MEOX2: variants seen among roughly 807,000 people sequenced by gnomAD.
MEOX2 encodes homeobox protein MOX-2.
MEOX2 carries 11 observed loss-of-function variants against 27.0 expected under a neutral mutation model. The observed-to-expected ratio is 0.41, with a 90% CI of 0.26 to 0.68. The LOEUF (loss-of-function observed/expected upper bound fraction) is 0.68, where lower values mean the gene tolerates loss of function less well. Ranked by LOEUF, MEOX2 falls within the 30% of genes least tolerant of loss-of-function variation. MEOX2 has a pLI of 0.33. For synonymous variants in MEOX2, 189 were observed against 155.4 expected, an observed-to-expected ratio of 1.22 and a Z score of -1.61; for missense variants, 436 against 385.4, an observed-to-expected ratio of 1.13 and a Z score of -1.10.
chr7:15,637,670 G>T (rs1359738253), intron 1 of MEOX2, among the ~76,000 whole-genome samples: 1 of 151,996 alleles, frequency 6.6e-6, no homozygotes, highest in Non-Finnish European at 1.5e-5. Context: ...TATAATTATA[G>T]CTCTATAACT....
At position 15,612,448 on chromosome 7, in the gene MEOX2, T is replaced by C; in HGVS notation, c.854A>G (p.Asp285Gly). The change falls in exon 3 of 3, where the codon GAC becomes GGC. Residue 285 changes from aspartate to glycine, a missense_variant. Asp to Gly is a moderately conservative substitution (Grantham distance 94). Transcript: ENST00000262041. ...IGAATLQQTG[D>G]SIANEDSHDS... ...GTGACTGTCTTCATTTGCTATAGAGTCCCCTGTTTGCTGGAGGGTGGCTGC... is the reference window on the plus strand; with the variant it reads ...GTGACTGTCTTCATTTGCTATAGAGCCCCCTGTTTGCTGGAGGGTGGCTGC... 6.2e-7 allele frequency: 1 copy of C among 1,614,028 alleles called. No individual in the cohort carries two copies. The highest frequency in any genetic ancestry group is 1.7e-5 in the Admixed American group (1 of 59,998).
At chr7:15,663,948 CAGAT>C (rs1489908013) in intron 1 of MEOX2, among the ~76,000 whole-genome samples, 6 of 152,088 alleles carry the variant, frequency 3.9e-5, no homozygotes, top group South Asian at 2.1e-4. Flanking sequence ...GATAGACAGA[CAGAT>C]AGATGATAGA....
intron 1 of MEOX2, among the ~76,000 whole-genome samples, chr7:15,674,045 T>C (rs981010120): frequency 1.3e-5 from 2 of 152,094 alleles, no homozygotes; most frequent in Non-Finnish European, 2.9e-5. Context: ...CATACATATC[T>C]ATAGATAGAT....
At chr7:15,618,571 T>C (rs768199561) in intron 2 of MEOX2, among the ~76,000 whole-genome samples, 27 of 152,014 alleles carry the variant, frequency 1.8e-4, no homozygotes, top group Non-Finnish European at 8.8e-5. Flanking sequence ...CTTCTAAGTA[T>C]AACTTATCGA....
rs141521135 is a variant in MEOX2, at chr7:15,618,510, C to T, written c.691-5899G>A. 1.3e-4 allele frequency among the ~76,000 whole-genome samples: 20 copies of T among 152,028 alleles called. No individual in the cohort carries two copies. The East Asian group carries it at 3.5e-3, about 27-fold the overall frequency. The stretch of plus-strand genomic sequence containing the variant: ...CAACATCTTGCCCAATCTCTTGGCT[C>T]ATGTTTAACAATAATTGGCAACATA... On this transcript the variant is annotated intron_variant, in intron 2 of 2. Coordinates refer to ENST00000262041, the MANE Select transcript of MEOX2 (RefSeq NM_005924.5).
chr7:15,640,230 T>C (rs1423471695), intron 1 of MEOX2, among the ~76,000 whole-genome samples: 1 of 151,060 alleles, frequency 6.6e-6, no homozygotes, highest in African/African-American at 2.4e-5. Flanking sequence ...TTGTTGTTGC[T>C]GTTTGGGGGT....
intron 1 of MEOX2, among the ~76,000 whole-genome samples, chr7:15,652,591 G>C (rs1282311324): frequency 6.6e-6 from 1 of 151,860 alleles, no homozygotes; most frequent in East Asian, 1.9e-4. Flanking sequence ...AAAAAACTAA[G>C]CCACTATCTT....
Position 15,612,410 on chromosome 7 carries a change from T to A in MEOX2, c.892A>T (p.Ser298Cys). 3 of 1,614,048 alleles carry A rather than the reference T, an allele frequency of 1.9e-6. No individual in the cohort carries two copies. Among genetic ancestry groups the A allele is most frequent in the Non-Finnish European group, 2.5e-6 (3 of 1,179,894 alleles). The part of the protein sequence containing the change: ...ANEDSHDSDH[S>C]SEHAHL The stretch of plus-strand genomic sequence containing the variant: ...TATCATAAGTGCGCATGCTCTGAGC[T>A]GTGGTCACTGTCGTGACTGTCTTCA... The change falls in exon 3 of 3, where the codon AGC becomes TGC. Residue 298 changes from serine (S) to cysteine (C), a missense_variant. Ser to Cys is a moderately radical substitution (Grantham distance 112, BLOSUM62 -1). Coordinates refer to ENST00000262041, the MANE Select transcript of MEOX2 (RefSeq NM_005924.5).
intron 1 of MEOX2, among the ~76,000 whole-genome samples, chr7:15,629,438 CA>C (rs1282127155): frequency 2.0e-5 from 3 of 151,982 alleles, no homozygotes; most frequent in African/African-American, 7.2e-5. Flanking sequence ...GCTTGAATAC[CA>C]AACCAAAAAT....
At chr7:15,666,928 T>C (rs965758645) in intron 1 of MEOX2, among the ~76,000 whole-genome samples, 2 of 150,926 alleles carry the variant, frequency 1.3e-5, no homozygotes, top group South Asian at 4.2e-4. Flanking sequence ...AGGTCCCTTA[T>C]GTTTTTCTTC....
intron 1 of MEOX2, among the ~76,000 whole-genome samples, chr7:15,659,190 G>C (rs981597): frequency 0.73 from 111,647 of 152,012 alleles, 41,306 homozygotes; most frequent in East Asian, 0.9. Context: ...TATTGTTTTT[G>C]TAGAGATGAA....
intron 1 of MEOX2, among the ~76,000 whole-genome samples, chr7:15,672,660 AG>A (rs1464972100): frequency 6.6e-6 from 1 of 152,158 alleles, no homozygotes; most frequent in Non-Finnish European, 1.5e-5. Flanking sequence ...TGGGAGGCCA[AG>A]GTGGGCGGAT....
In MEOX2 at chr7:15,686,287, G is replaced by A; in HGVS notation, c.116C>T (p.Pro39Leu). The A allele has an allele frequency of 6.2e-7, 1 of 1,612,226 alleles. No homozygotes were observed. Among genetic ancestry groups the A allele is most frequent in the South Asian group, 1.1e-5 (1 of 90,650 alleles). Residue 39 changes from proline (P) to leucine (L), a missense_variant, in exon 1 of 3, where the codon CCC (proline) becomes CTC (leucine). Pro to Leu is a moderately conservative substitution (Grantham distance 98). Coordinates refer to ENST00000262041, the MANE Select transcript of MEOX2 (RefSeq NM_005924.5). ...LHGRSDHMSY[P>L]ELSTSSSSCI... ...AGATGAGGAAGAAGTAGAGAGCTCG[G>A]GGTAAGACATATGGTCAGATCTTCC... is the stretch of plus-strand genomic sequence containing the variant.
intron 2 of MEOX2, among the ~76,000 whole-genome samples, chr7:15,613,930 T>C (rs995814608): frequency 1.3e-5 from 2 of 152,096 alleles, no homozygotes; most frequent in African/African-American, 4.8e-5. Context: ...CCCTGGAGAC[T>C]GCAGTTATAT....
chr7:15,614,116 A>G (rs966641365), intron 2 of MEOX2, among the ~76,000 whole-genome samples: 1 of 151,614 alleles, frequency 6.6e-6, no homozygotes, highest in Admixed American at 6.6e-5. Context: ...TTCTGAAGCC[A>G]GTAAGATATT....
chr7:15,625,543 TA>T (rs1781290107), intron 2 of MEOX2, among the ~76,000 whole-genome samples: 1 of 152,152 alleles, frequency 6.6e-6, no homozygotes, highest in South Asian at 2.1e-4. Context: ...TTGGATAAAA[TA>T]ACTTGCTCTC....
At chr7:15,614,033 AAT>A (rs930545098) in intron 2 of MEOX2, among the ~76,000 whole-genome samples, 6 of 139,504 alleles carry the variant, frequency 4.3e-5, no homozygotes, top group Non-Finnish European at 9.6e-5. Flanking sequence ...AATATTAATT[AAT>A]ATGTTTAAAT....
At chr7:15,638,637 C>T (rs935119528) in intron 1 of MEOX2, among the ~76,000 whole-genome samples, 1 of 152,022 alleles carries the variant, frequency 6.6e-6, no homozygotes, top group African/African-American at 2.4e-5. Flanking sequence ...TCCTCCTTCT[C>T]TCTCTCCCCT....
intron 2 of MEOX2, among the ~76,000 whole-genome samples, chr7:15,618,487 A>G (rs991325464): frequency 1.2e-4 from 18 of 152,130 alleles, no homozygotes; most frequent in Admixed American, 1.1e-3. Flanking sequence ...TTTGATCTCA[A>G]CATCTTGCCC....
Sources: allele counts gnomAD v4.1 joint callset (sites outside exome capture counted in the v4.1 genomes callset), GRCh38; gene constraint gnomAD v4.1.1; transcripts MANE v1.5; gene names NCBI Gene and HGNC (gene_info 2026-07-23, HGNC 2026-07-21).